The following MARCHF8 variants were observed in gnomAD, a reference collection of about 807,000 sequenced individuals.
MARCHF8 encodes E3 ubiquitin-protein ligase MARCHF8.
A neutral mutation model predicts 51.6 loss-of-function variants in MARCHF8; 40 were observed. That is an observed-to-expected ratio of 0.77 (90% CI 0.60 to 1.01). The LOEUF (loss-of-function observed/expected upper bound fraction) is 1.01. Among genes scored for constraint, MARCHF8 ranks in the 50% least tolerant of loss-of-function variants. The pLI is 0.00. For synonymous variants in MARCHF8, 263 were observed against 280.3 expected (o/e 0.94, Z 0.62); for missense variants, 685 against 708.6 (o/e 0.97, Z 0.38).
At chr10:45,501,258 C>T (rs2043274875) in intron 2 of MARCHF8, among the ~76,000 whole-genome samples, 2 of 151,912 alleles carry the variant, frequency 1.3e-5, no homozygotes, top group African/African-American at 4.8e-5. Context: ...TGGGAGAAAT[C>T]CATCCATCCA....
At chr10:45,475,457 C>G (rs1023622461) in intron 3 of MARCHF8, among the ~76,000 whole-genome samples, 1 of 152,224 alleles carries the variant, frequency 6.6e-6, no homozygotes, top group South Asian at 2.1e-4. Context: ...CATCCTGAGG[C>G]CTGGGGACTG....
At chr10:45,565,313 C>G (rs1487567761) in intron 1 of MARCHF8, among the ~76,000 whole-genome samples, 1 of 152,022 alleles carries the variant, frequency 6.6e-6, no homozygotes, top group African/African-American at 2.4e-5. Flanking sequence ...TGCCTGTAGT[C>G]CCAGCTACTT....
upstream of MARCHF8, among the ~76,000 whole-genome samples, chr10:45,536,580 T>C (rs1299486429): frequency 3.3e-5 from 5 of 150,950 alleles, no homozygotes; most frequent in Admixed American, 3.3e-4. Context: ...TCTACCTCTA[T>C]TTATAAATGT....
At chr10:45,506,073 T>C (rs1269584258) in intron 2 of MARCHF8, among the ~76,000 whole-genome samples, 3 of 152,220 alleles carry the variant, frequency 2.0e-5, no homozygotes, top group Non-Finnish European at 4.4e-5. Context: ...ATCTACTACA[T>C]TATGAAATCT....
chr10:45,570,954 C>A (rs1055301973), intron 1 of MARCHF8, among the ~76,000 whole-genome samples: 3 of 151,264 alleles, frequency 2.0e-5, no homozygotes, highest in Non-Finnish European at 2.9e-5. Flanking sequence ...AAGATATATA[C>A]CATGTTTGTA....
At chr10:45,509,880 A>G (rs573912555) in intron 2 of MARCHF8, among the ~76,000 whole-genome samples, 1 of 152,340 alleles carries the variant, frequency 6.6e-6, no homozygotes, top group African/African-American at 2.4e-5. Flanking sequence ...GCTTTAAAAA[A>G]TCCAATCTGA....
intron 3 of MARCHF8, among the ~76,000 whole-genome samples, chr10:45,477,624 C>G (rs2042810533): frequency 6.6e-6 from 1 of 152,118 alleles, no homozygotes; most frequent in South Asian, 2.1e-4. Flanking sequence ...CAGAGACTGG[C>G]TGAATGGATT....
intron 3 of MARCHF8, among the ~76,000 whole-genome samples, chr10:45,465,865 A>G (rs1842948727): frequency 6.6e-6 from 1 of 152,362 alleles, no homozygotes; most frequent in East Asian, 1.9e-4. Flanking sequence ...AAAGCATTAG[A>G]GGTCAAAGTT....
intron 3 of MARCHF8, among the ~76,000 whole-genome samples, chr10:45,467,008 T>C (rs772606953): frequency 1.3e-4 from 20 of 152,158 alleles, no homozygotes; most frequent in Admixed American, 6.5e-4. Context: ...TGTGCACTTG[T>C]AGCAGATGTC....
At chr10:45,520,994 C>T (rs377279861) in intron 2 of MARCHF8, among the ~76,000 whole-genome samples, 17 of 152,196 alleles carry the variant, frequency 1.1e-4, no homozygotes, top group African/African-American at 3.9e-4. Context: ...TAGTTAATTA[C>T]CCATCGTAGC....
intron 1 of MARCHF8, among the ~76,000 whole-genome samples, chr10:45,565,185 C>CT (rs2044351087): frequency 6.6e-6 from 1 of 152,030 alleles, no homozygotes; most frequent in African/African-American, 2.4e-5. Context: ...AATCCCAGCA[C>CT]TTTAGGAGGC....
At chr10:45,510,681 ACTG>A (rs1287356683) in intron 2 of MARCHF8, among the ~76,000 whole-genome samples, 4 of 152,190 alleles carry the variant, frequency 2.6e-5, no homozygotes, top group African/African-American at 7.2e-5. Context: ...TGTTTCCACC[ACTG>A]CTTTCTTTTT....
In MARCHF8 at chr10:45,455,158, G is replaced by C. The variant is rs560500110; in HGVS notation, c.*3081C>G. 4 of 152,446 alleles carry C rather than the reference G, an allele frequency of 2.6e-5. No homozygotes were observed. In the East Asian group the frequency reaches 7.7e-4, roughly 29 times the overall value. 9.4% of individuals were successfully genotyped at this position (152,446 alleles called of 1,614,324 possible). On this transcript the variant is annotated 3_prime_UTR_variant, in exon 8 of 8. Transcript: ENST00000453424. ...GGCTCCCAAACTGGCCCAGCTGCCT[G>C]AGGCCTGCATGCCTGTGGCCAGGTA... is the stretch of plus-strand genomic sequence containing the variant.
At position 45,469,671 on chromosome 10, in the gene MARCHF8, C is replaced by A. The variant is rs186446848; in HGVS notation, c.154-5344G>T. ...ACGAGGTCAGGAGATCGAGACCATC[C>A]TGGCTAACACGGTGAAACCCCGTCT... On this transcript the variant is annotated intron_variant, in intron 3 of 7. Coordinates refer to ENST00000453424, the MANE Select transcript of MARCHF8 (RefSeq NM_001282866.2). Among the ~76,000 whole-genome samples, 18 of 151,972 alleles carry A rather than the reference C, an allele frequency of 1.2e-4. No homozygotes were observed. The East Asian group carries it at 3.5e-3, about 29-fold the overall frequency.
intron 7 of MARCHF8, 30 bp downstream of exon 7, chr10:45,459,090 T>A (rs759577311): frequency 6.2e-7 from 1 of 1,613,334 alleles, no homozygotes; most frequent in Non-Finnish European, 8.5e-7. Flanking sequence ...CCGGCCCCCA[T>A]GCTGAGCTTG....
At chr10:45,562,507 T>C (rs547559685) in intron 1 of MARCHF8, among the ~76,000 whole-genome samples, 1 of 152,254 alleles carries the variant, frequency 6.6e-6, no homozygotes, top group African/African-American at 2.4e-5. Flanking sequence ...TCAAGGAAAC[T>C]TGTCAACTGT....
chr10:45,511,054 A>C (rs1263081068), intron 2 of MARCHF8, among the ~76,000 whole-genome samples: 1 of 152,248 alleles, frequency 6.6e-6, no homozygotes. Flanking sequence ...TGCTTTTTAA[A>C]AGTTACATAT....
At chr10:45,561,062 TC>T (rs1481935104) in intron 1 of MARCHF8, among the ~76,000 whole-genome samples, 1 of 152,062 alleles carries the variant, frequency 6.6e-6, no homozygotes, top group Non-Finnish European at 1.5e-5. Context: ...GAATTTCAGT[TC>T]TCTATGATGG....
chr10:45,470,655 CACT>C (rs1256378891), intron 3 of MARCHF8, among the ~76,000 whole-genome samples: 1 of 152,180 alleles, frequency 6.6e-6, no homozygotes, highest in African/African-American at 2.4e-5. Context: ...CTCACCAGAT[CACT>C]TTTTTATTTG....
Sources: gnomAD v4.1 joint callset for allele counts (sites outside exome capture counted in the v4.1 genomes callset) on GRCh38, gnomAD v4.1.1 for gene constraint, MANE v1.5 for transcripts, NCBI Gene and HGNC (gene_info 2026-07-23, HGNC 2026-07-21) for gene names.